Variants in PPM1E observed in about 807,000 individuals in gnomAD.
PPM1E encodes the protein protein phosphatase 1E.
In PPM1E, 20 loss-of-function variants were observed where a neutral mutation model predicts 65.9. The observed-to-expected ratio is 0.30, with a 90% CI of 0.21 to 0.44. The LOEUF (loss-of-function observed/expected upper bound fraction) is 0.44. Ranked by LOEUF, PPM1E falls within the 20% of genes least tolerant of loss-of-function variation. The pLI is 1.00. For missense variants in PPM1E, 713 were observed against 953.1 expected (o/e 0.75, Z 3.32); for synonymous variants, 352 against 374.9 (o/e 0.94, Z 0.70).
intron 1 of PPM1E, among the ~76,000 whole-genome samples, chr17:58,760,174 C>G (rs1478887726): frequency 6.6e-6 from 1 of 152,104 alleles, no homozygotes; most frequent in African/African-American, 2.4e-5. Context: ...CTTCTTTTGT[C>G]TGGTTGACTT....
At chr17:58,863,930 G>A (rs1001758802) in intron 1 of PPM1E, among the ~76,000 whole-genome samples, 18 of 152,186 alleles carry the variant, frequency 1.2e-4, no homozygotes, top group Non-Finnish European at 2.4e-4. Flanking sequence ...TATGGGCACA[G>A]GATAGGGGGT....
intron 2 of PPM1E, among the ~76,000 whole-genome samples, chr17:58,957,504 A>G (rs1006997560): frequency 4.6e-5 from 7 of 152,202 alleles, no homozygotes; most frequent in African/African-American, 1.7e-4. Context: ...AGACTGATCT[A>G]CTATTATTCT....
chr17:58,956,987 A>AT (rs1455580155), intron 2 of PPM1E, among the ~76,000 whole-genome samples: 1 of 152,212 alleles, frequency 6.6e-6, no homozygotes, highest in African/African-American at 2.4e-5. Context: ...ACAGTAACTG[A>AT]TTCACCTAGA....
In PPM1E at chr17:58,981,256, T is replaced by C. The variant is rs1424900686; in HGVS notation, c.*225T>C. 5 of 493,174 alleles carry C rather than the reference T, an allele frequency of 1.0e-5. No homozygotes were observed. Among genetic ancestry groups the C allele is most frequent in the Non-Finnish European group, 1.4e-5 (4 of 280,028 alleles). The allele number at this position is 493,174 out of a possible 1,614,324, so 30.5% of individuals were successfully genotyped here. ...AAAATTACACAGCTGGTCCCTGTGATGTGTCTCGACACCAATACACAACCC... is the reference window on the plus strand; with the variant it reads ...AAAATTACACAGCTGGTCCCTGTGACGTGTCTCGACACCAATACACAACCC... On this transcript the variant is annotated 3_prime_UTR_variant, in exon 7 of 7. Transcript: ENST00000308249.
intron 1 of PPM1E, among the ~76,000 whole-genome samples, chr17:58,909,887 TTTTCTTTCTTTCTTTC>T (rs753479819): frequency 1.1e-4 from 17 of 150,526 alleles, no homozygotes; most frequent in African/African-American, 4.2e-4. Context: ...TCTTAGTCAT[TTTTCTTTCTTTCTTTC>T]TTTCTTTCTT....
chr17:58,771,737 T>C (rs1370601011), intron 1 of PPM1E, among the ~76,000 whole-genome samples: 1 of 152,196 alleles, frequency 6.6e-6, no homozygotes, highest in Non-Finnish European at 1.5e-5. Context: ...ATTCATTTGT[T>C]TTCCACCTCA....
chr17:58,821,192 G>C (rs2050476040), intron 1 of PPM1E, among the ~76,000 whole-genome samples: 2 of 152,032 alleles, frequency 1.3e-5, no homozygotes, highest in South Asian at 4.1e-4. Flanking sequence ...CTCACTGCAA[G>C]CTCTGCCTCC....
At chr17:58,785,252 G>A (rs1010861967) in intron 1 of PPM1E, 6 of 151,044 alleles carry the variant, frequency 4.0e-5, no homozygotes, top group African/African-American at 1.5e-4. Flanking sequence ...GAATTGTCCT[G>A]GCACTCGAAT....
At chr17:58,841,650 C>A (rs1055939144) in intron 1 of PPM1E, among the ~76,000 whole-genome samples, 1 of 151,276 alleles carries the variant, frequency 6.6e-6, no homozygotes, top group Non-Finnish European at 1.5e-5. Context: ...CTCAGCCTCC[C>A]GAGTAGCTGG....
chr17:58,784,497 C>A (rs1208901986), intron 1 of PPM1E, among the ~76,000 whole-genome samples: 3 of 148,646 alleles, frequency 2.0e-5, no homozygotes, highest in Non-Finnish European at 4.5e-5. Flanking sequence ...CCTCCTCCCC[C>A]CCACCACTTT....
chr17:58,840,564 AG>A (rs1428609595), intron 1 of PPM1E, among the ~76,000 whole-genome samples: 2 of 152,164 alleles, frequency 1.3e-5, no homozygotes, highest in Admixed American at 1.3e-4. Context: ...GGCTGATTCC[AG>A]GGATAGGGTA....
intron 1 of PPM1E, among the ~76,000 whole-genome samples, chr17:58,831,010 T>C (rs554464367): frequency 4.3e-4 from 65 of 149,690 alleles, no homozygotes; most frequent in African/African-American, 1.6e-3. Context: ...TTATCTTTTT[T>C]TTTTTTTTCG....
At chr17:58,886,910 C>T (rs9901181) in intron 1 of PPM1E, among the ~76,000 whole-genome samples, 96,718 of 151,872 alleles carry the variant, frequency 0.64, 31,177 homozygotes, top group African/African-American at 0.71. Flanking sequence ...GGGCAAAGAG[C>T]ATATGGGAAC....
chr17:58,769,805 TC>T (rs1455057840), intron 1 of PPM1E, among the ~76,000 whole-genome samples: 1 of 152,070 alleles, frequency 6.6e-6, no homozygotes, highest in Non-Finnish European at 1.5e-5. Context: ...GGCAGGCAGA[TC>T]ACTTGAGGTC....
chr17:58,850,583 G>A (rs1226429534), intron 1 of PPM1E, among the ~76,000 whole-genome samples: 1 of 152,074 alleles, frequency 6.6e-6, no homozygotes, highest in South Asian at 2.1e-4. Context: ...ATTCTTTTCT[G>A]TAAGAATGTT....
intron 1 of PPM1E, among the ~76,000 whole-genome samples, chr17:58,830,739 G>GC (rs910018461): frequency 8.4e-4 from 128 of 152,094 alleles, no homozygotes; most frequent in African/African-American, 3.0e-3. Flanking sequence ...AGGCTGGAGT[G>GC]CAGTGGCATG....
intron 2 of PPM1E, among the ~76,000 whole-genome samples, chr17:58,960,469 TAA>T (rs1216223841): frequency 1.3e-5 from 2 of 152,236 alleles, no homozygotes; most frequent in East Asian, 3.9e-4. Context: ...TTGCTAGTTT[TAA>T]ATAACAATTA....
At chr17:58,773,151 G>T (rs1030203258) in intron 1 of PPM1E, among the ~76,000 whole-genome samples, 3 of 151,970 alleles carry the variant, frequency 2.0e-5, no homozygotes, top group Middle Eastern at 3.2e-3. Context: ...AGTATTCACT[G>T]TGTGACTTTA....
chr17:58,871,376 G>A (rs996722861), intron 1 of PPM1E, among the ~76,000 whole-genome samples: 1 of 152,072 alleles, frequency 6.6e-6, no homozygotes, highest in Non-Finnish European at 1.5e-5. Context: ...CTGTAAGACT[G>A]TTTCATGTCA....
Sources: gnomAD v4.1 joint callset for allele counts (sites outside exome capture counted in the v4.1 genomes callset) on GRCh38, gnomAD v4.1.1 for gene constraint, MANE v1.5 for transcripts, NCBI Gene and HGNC (gene_info 2026-07-23, HGNC 2026-07-21) for gene names.